C21orf58: variants seen among roughly 807,000 people sequenced by gnomAD.
C21orf58 encodes the protein uncharacterized protein C21orf58.
In C21orf58, 34 loss-of-function variants were observed where a neutral mutation model predicts 35.8. The ratio of observed to expected loss-of-function variants is 0.95; its 90% CI spans 0.72 to 1.26. C21orf58 has a LOEUF of 1.26. Among genes scored for constraint, C21orf58 ranks in the 50% most tolerant of loss-of-function variants. C21orf58 has a pLI of 0.00. For missense variants in C21orf58, 440 were observed against 414.3 expected (o/e 1.06, Z -0.54); for synonymous variants, 191 against 175.8 (o/e 1.09, Z -0.68).
rs2082124849 is a variant in C21orf58, at chr21:46,302,007, G to A, written c.961C>T (p.Pro321Ser). 2 of 1,532,622 alleles carry A rather than the reference G, an allele frequency of 1.3e-6. No homozygotes were observed. The highest frequency in any genetic ancestry group is 1.2e-5 in the South Asian group (1 of 82,818). 94.9% of individuals were successfully genotyped at this position (1,532,622 alleles called of 1,614,324 possible). Reference protein sequence around the residue: ...QPAPSLWTPGPP With the variant: ...QPAPSLWTPGSP ...GTCTCTGTGACTCACACTCAGGGTG[G>A]GCCAGGCGTCCACAGGCTGGGGGCG... The change falls in exon 8 of 8, where the codon CCA becomes TCA. Residue 321 changes from proline to serine, a missense_variant. Pro to Ser is a moderately conservative substitution (Grantham distance 74). Transcript: ENST00000291691.
chr21:46,318,443 C>T, intron 1 of C21orf58: 3 of 1,419,842 alleles, frequency 2.1e-6, no homozygotes, highest in Non-Finnish European at 2.8e-6. Context: ...TGGGCAGCAG[C>T]TGAGGCAGAG....
rs1163574722 is a variant in C21orf58, at chr21:46,310,819, CTAAA to C, written c.721+633_721+636del. Among the ~76,000 whole-genome samples the C allele has an allele frequency of 4.0e-5, 6 of 150,976 alleles. No homozygotes were observed. In the South Asian group the frequency reaches 8.3e-4, roughly 21 times the overall value. ...AGTAAGACACTCTCTCTCTCTCTCT[CTAAA>C]TAAATAAATAAATAAATTTTAAAAA... On this transcript the variant is annotated intron_variant, in intron 6 of 7. Transcript: ENST00000291691.
intron 6 of C21orf58, among the ~76,000 whole-genome samples, chr21:46,303,731 ATATATATATATATATTTTT>A (rs1765249200): frequency 1.8e-4 from 5 of 28,434 alleles, no homozygotes; most frequent in African/African-American, 3.5e-4. Flanking sequence ...ATATATATAT[ATATATATATATATATTTTT>A]TTTTTTTTTT....
At position 46,321,490 on chromosome 21, in the gene C21orf58, T is replaced by C. The variant is rs563578868; in HGVS notation, c.100+1149A>G. On this transcript the variant is annotated intron_variant, in intron 1 of 7. Coordinates refer to ENST00000291691, the MANE Select transcript of C21orf58 (RefSeq NM_058180.5). ...ATCAGAACACCCCATTACATTGAGT[T>C]ATGTGTCTTTAGGCTCCTTCTCAGA... Among the ~76,000 whole-genome samples, 4 of 152,348 alleles carry C rather than the reference T, an allele frequency of 2.6e-5. No homozygotes were observed. In the South Asian group the frequency reaches 8.3e-4, roughly 32 times the overall value.
chr21:46,318,327 C>G, intron 1 of C21orf58, 107 bp from the exon 2 acceptor site: 1 of 1,513,772 alleles, frequency 6.6e-7, no homozygotes. Flanking sequence ...GGCTGCCAGA[C>G]ACAGGGAGGC....
At chr21:46,320,349 G>C (rs1051229430) in intron 1 of C21orf58, among the ~76,000 whole-genome samples, 1 of 151,736 alleles carries the variant, frequency 6.6e-6, no homozygotes, top group Non-Finnish European at 1.5e-5. Flanking sequence ...GTGATCTGCC[G>C]TCTTGGCCTC....
chr21:46,308,321 C>T lies in C21orf58; in HGVS notation c.721+3135G>A, dbSNP rs13049383. ...ACTAAAAATACAAAAATCAGCCGGGCGTGGTGGCACATGCCTGTAATCCCA... is the reference window on the plus strand; with the variant it reads ...ACTAAAAATACAAAAATCAGCCGGGTGTGGTGGCACATGCCTGTAATCCCA... On this transcript the variant is annotated intron_variant, in intron 6 of 7. Coordinates refer to ENST00000291691, the MANE Select transcript of C21orf58 (RefSeq NM_058180.5). Among the ~76,000 whole-genome samples, 449 of 151,702 alleles carry T rather than the reference C, an allele frequency of 3.0e-3. 1 individual carries two copies. Among genetic ancestry groups the T allele is most frequent in the African/African-American group, 9.1e-3 (375 of 41,408 alleles).
rs995211604 is a variant in C21orf58 at position 46,323,497 on chromosome 21, G to C, written c.-759C>G. 3 of 152,574 alleles carry C rather than the reference G, an allele frequency of 2.0e-5. No homozygotes were observed. Among genetic ancestry groups the C allele is most frequent in the African/African-American group, 7.2e-5 (3 of 41,408 alleles). 9.5% of individuals were successfully genotyped at this position (152,574 alleles called of 1,614,324 possible). A position where few individuals can be genotyped will look rare whatever the true frequency, so the allele number is the denominator to read the frequency against. On this transcript the variant is annotated 5_prime_UTR_variant, in exon 1 of 8. Transcript: ENST00000291691. ...AGCGGCGGGGCCTGCAGGTCCAGGC[G>C]GTTCGCGGGCTTTCTGACCGCATTC...
At chr21:46,314,540 G>T (rs1043873068) in intron 5 of C21orf58, among the ~76,000 whole-genome samples, 176 bp downstream of exon 5, 1 of 152,240 alleles carries the variant, frequency 6.6e-6, no homozygotes, top group African/African-American at 2.4e-5. Context: ...TAAGCAGTCC[G>T]GGGAGGCCCA....
intron 6 of C21orf58, among the ~76,000 whole-genome samples, chr21:46,310,868 T>C (rs981900787): frequency 1.2e-4 from 18 of 151,882 alleles, no homozygotes; most frequent in African/African-American, 3.6e-4. Context: ...TAAAAGCTAT[T>C]ATTATTATTA....
chr21:46,311,658 A>G (rs1041096050), intron 5 of C21orf58, 91 bp from the exon 6 acceptor site: 3 of 503,092 alleles, frequency 6.0e-6, no homozygotes, highest in African/African-American at 4.1e-5. Context: ...CACCCATCCA[A>G]CCAACCAACC....
intron 6 of C21orf58, among the ~76,000 whole-genome samples, chr21:46,303,271 C>T (rs1374635902): frequency 2.0e-5 from 3 of 152,012 alleles, no homozygotes; most frequent in South Asian, 2.1e-4. Flanking sequence ...CCCAGGAGTT[C>T]GAGGCTGTAG....
chr21:46,320,032 G>A (rs1421075259), intron 1 of C21orf58, among the ~76,000 whole-genome samples: 2 of 152,088 alleles, frequency 1.3e-5, no homozygotes, highest in South Asian at 2.1e-4. Context: ...CAAAAACCAG[G>A]TTAATTTAGT....
chr21:46,318,563 T>G (rs2083059384), intron 1 of C21orf58: 2 of 1,208,684 alleles, frequency 1.7e-6, no homozygotes, highest in Admixed American at 7.5e-5. Flanking sequence ...GCCCCACCTG[T>G]GTACTGCCTC....
chr21:46,319,491 G>A lies in C21orf58; in HGVS notation c.101-1271C>T, dbSNP rs367746110. Among the ~76,000 whole-genome samples, 65 of 152,324 alleles carry A rather than the reference G, an allele frequency of 4.3e-4. No individual in the cohort carries two copies. In the East Asian group the frequency reaches 6.7e-3, roughly 16 times the overall value. On this transcript the variant is annotated intron_variant, in intron 1 of 7. Transcript: ENST00000291691. ...GTTTAAGATCCCAGTGCCATTGGGCGTTGGCTCACGCCTGTAATCTCAGTG... is the reference window on the plus strand; with the variant it reads ...GTTTAAGATCCCAGTGCCATTGGGCATTGGCTCACGCCTGTAATCTCAGTG...
At chr21:46,317,066 C>A in intron 3 of C21orf58, 142 bp downstream of exon 3, 1 of 674,076 alleles carries the variant, frequency 1.5e-6, no homozygotes, top group Non-Finnish European at 2.5e-6. Context: ...AAAGGAAAAG[C>A]GTTGAGGACA....
rs140913170 is a variant in C21orf58 at position 46,312,479 on chromosome 21, C to T, written c.610-912G>A. 2.8e-3 allele frequency among the ~76,000 whole-genome samples: 428 copies of T among 152,210 alleles called. 5 individuals carry two copies. Among genetic ancestry groups the T allele is most frequent in the African/African-American group, 9.2e-3 (380 of 41,528 alleles). ...GATTACAGGCGCCTGCCACCACGCC[C>T]GGCTAATTTTTGTGTTTTTAGTATA... On this transcript the variant is annotated intron_variant, in intron 5 of 7. Transcript: ENST00000291691.
chr21:46,315,822 G>A (rs1207169536), intron 3 of C21orf58, among the ~76,000 whole-genome samples: 2 of 152,164 alleles, frequency 1.3e-5, no homozygotes, highest in African/African-American at 4.8e-5. Flanking sequence ...AGGCTGAAAT[G>A]ACGCGACCAG....
chr21:46,306,905 A>AT (rs1306521824), intron 6 of C21orf58, among the ~76,000 whole-genome samples: 1 of 143,524 alleles, frequency 7.0e-6, no homozygotes, highest in Non-Finnish European at 1.5e-5. Context: ...ATTTTTATTT[A>AT]TTTTTTTTAA....
Sources: gnomAD v4.1 joint callset for allele counts (sites outside exome capture counted in the v4.1 genomes callset) on GRCh38, gnomAD v4.1.1 for gene constraint, MANE v1.5 for transcripts, NCBI Gene and HGNC (gene_info 2026-07-23, HGNC 2026-07-21) for gene names.